Variants in SEPTIN9 observed in about 807,000 individuals in gnomAD.
The protein encoded by SEPTIN9 is septin 9, also known as septin-9.
SEPTIN9 carries 13 observed loss-of-function variants against 56.6 expected under a neutral mutation model. The ratio of observed to expected loss-of-function variants is 0.23; its 90% confidence interval spans 0.15 to 0.37. The LOEUF is 0.37. Among genes scored for constraint, SEPTIN9 ranks in the 10% least tolerant of loss-of-function variants. SEPTIN9 has a pLI of 1.00. For synonymous variants in SEPTIN9, 332 were observed against 334.1 expected, an observed-to-expected ratio of 0.99 and a Z score of 0.07; for missense variants, 650 against 823.1, an observed-to-expected ratio of 0.79 and a Z score of 2.57.
chr17:77,303,374 A>G (rs2032139358), intron 1 of SEPTIN9, among the ~76,000 whole-genome samples: 1 of 151,464 alleles, frequency 6.6e-6, no homozygotes, highest in South Asian at 2.1e-4. Flanking sequence ...CTGGGATTAC[A>G]GGCGTGAGTC....
At chr17:77,304,798 G>C (rs1355944583) in intron 1 of SEPTIN9, among the ~76,000 whole-genome samples, 2 of 152,188 alleles carry the variant, frequency 1.3e-5, no homozygotes. Context: ...GTGGGGATGT[G>C]TGGAACAGGG....
At chr17:77,417,682 G>A (rs1039803017) in intron 3 of SEPTIN9, among the ~76,000 whole-genome samples, 7 of 152,192 alleles carry the variant, frequency 4.6e-5, no homozygotes, top group Admixed American at 2.0e-4. Context: ...AGTTCAATAC[G>A]CAGGAGCCAT....
At chr17:77,458,690 A>G (rs2038325728) in intron 3 of SEPTIN9, among the ~76,000 whole-genome samples, 1 of 152,172 alleles carries the variant, frequency 6.6e-6, no homozygotes, top group Admixed American at 6.5e-5. Context: ...CCAAGGCCCA[A>G]CCACATGGCA....
rs2040422809 is a variant in SEPTIN9 at position 77,499,544 on chromosome 17, G to C, written c.*886G>C. On this transcript the variant is annotated 3_prime_UTR_variant, in exon 12 of 12. Coordinates refer to ENST00000427177, the MANE Select transcript of SEPTIN9 (RefSeq NM_001113491.2). ...GCTGAGGGAGGGAGCCATGGAAGGT[G>C]CCAGAAGGAAGGTTGGCGGGGGCAC... 2.2e-6 allele frequency: 1 copy of C among 457,390 alleles called. No individual in the cohort carries two copies. The highest frequency in any genetic ancestry group is 1.9e-5 in the African/African-American group (1 of 51,514). 28.3% of individuals were successfully genotyped at this position (457,390 alleles called of 1,614,324 possible).
chr17:77,489,398 C>T (rs429215), intron 7 of SEPTIN9, among the ~76,000 whole-genome samples: 82,811 of 151,694 alleles, frequency 0.55, 23,709 homozygotes, highest in African/African-American at 0.73. Flanking sequence ...TAGAGATCAG[C>T]AAGGGCGGGA....
intron 2 of SEPTIN9, among the ~76,000 whole-genome samples, chr17:77,370,099 A>G (rs2034675137): frequency 6.6e-6 from 1 of 152,146 alleles, no homozygotes; most frequent in Admixed American, 6.5e-5. Context: ...CTTTGACCTC[A>G]AGGCATGATG....
chr17:77,484,557 T>C (rs969364719), intron 4 of SEPTIN9, among the ~76,000 whole-genome samples: 1 of 132,232 alleles, frequency 7.6e-6, no homozygotes, highest in African/African-American at 3.2e-5. Context: ...GTGGTGATGA[T>C]GGTGATTGTG....
chr17:77,488,602 C>G, intron 6 of SEPTIN9, 125 bp from the exon 7 acceptor site: 2 of 1,379,482 alleles, frequency 1.4e-6, no homozygotes, highest in Non-Finnish European at 2.0e-6. Context: ...GCTCAGCAAG[C>G]CAGACCTCCC....
chr17:77,334,665 G>A (rs1567999404), intron 2 of SEPTIN9, among the ~76,000 whole-genome samples: 2 of 152,084 alleles, frequency 1.3e-5, no homozygotes, highest in East Asian at 1.9e-4. Context: ...CTACACTAAG[G>A]TCAAAAGAAG....
intron 2 of SEPTIN9, among the ~76,000 whole-genome samples, chr17:77,347,454 A>G (rs1399393608): frequency 4.0e-5 from 6 of 151,608 alleles, no homozygotes; most frequent in East Asian, 1.9e-4. Context: ...CAGGTTTTAT[A>G]TCATGTATTT....
At chr17:77,354,728 A>T (rs978748473) in intron 2 of SEPTIN9, among the ~76,000 whole-genome samples, 2 of 152,068 alleles carry the variant, frequency 1.3e-5, no homozygotes, top group Non-Finnish European at 2.9e-5. Context: ...TGCCTCCCCC[A>T]GCGCAGGCGC....
intron 2 of SEPTIN9, among the ~76,000 whole-genome samples, chr17:77,401,384 T>C (rs1372947261): frequency 9.9e-5 from 15 of 152,194 alleles, no homozygotes. Flanking sequence ...GGTAGAGGTG[T>C]GTTTGCTGGT....
chr17:77,429,153 T>G lies in SEPTIN9; in HGVS notation c.721+26450T>G. On this transcript the variant is annotated intron_variant, in intron 3 of 11. Coordinates refer to ENST00000427177, the MANE Select transcript of SEPTIN9 (RefSeq NM_001113491.2). The surrounding 1 kb of genome is among the most constrained non-coding windows in gnomAD (Gnocchi z 5.2). Reference sequence around the variant, plus strand: ...CCTGGGGTGGGGACTTGGGGGTGTGTCTGCAGCTCCTGAGGCCAAGACCAA... The same window carrying G: ...CCTGGGGTGGGGACTTGGGGGTGTGGCTGCAGCTCCTGAGGCCAAGACCAA... 4.2e-6 allele frequency: 2 copies of G among 471,936 alleles called. No individual in the cohort carries two copies. Among genetic ancestry groups the G allele is most frequent in the South Asian group, 3.1e-5 (2 of 64,616 alleles). The allele number at this position is 471,936 out of a possible 1,614,324, so 29.2% of individuals were successfully genotyped here. A position where few individuals can be genotyped will look rare whatever the true frequency, so the allele number is the denominator to read the frequency against.
intron 3 of SEPTIN9, among the ~76,000 whole-genome samples, chr17:77,423,651 CGGA>C: frequency 6.6e-6 from 1 of 152,364 alleles, no homozygotes; most frequent in South Asian, 2.1e-4. Flanking sequence ...CGGCTCCGCG[CGGA>C]GATCACGTGG....
chr17:77,356,066 G>T, intron 2 of SEPTIN9, among the ~76,000 whole-genome samples: 1 of 151,812 alleles, frequency 6.6e-6, no homozygotes, highest in South Asian at 2.1e-4. Flanking sequence ...AAACCTGGCT[G>T]GGGAGGGCAT....
In SEPTIN9 at chr17:77,428,760, C is replaced by T. The variant is rs1400802033; in HGVS notation, c.721+26057C>T. On this transcript the variant is annotated intron_variant, in intron 3 of 11. Transcript: ENST00000427177. ...CTGTGGGGTCAGCAGAGGGAGGGCA[C>T]ACTTCCCAGCTGGTGGGGTTCCCTT... 4.6e-5 allele frequency among the ~76,000 whole-genome samples: 7 copies of T among 152,288 alleles called. No homozygotes were observed. The South Asian group carries it at 1.4e-3, about 32-fold the overall frequency.
intron 2 of SEPTIN9, among the ~76,000 whole-genome samples, chr17:77,324,171 G>A (rs1234004329): frequency 6.6e-6 from 1 of 152,178 alleles, no homozygotes; most frequent in Non-Finnish European, 1.5e-5. Flanking sequence ...TCTCTCATAC[G>A]GACAGTCTTT....
Position 77,450,492 on chromosome 17 carries a change from C to T in SEPTIN9, c.722-31652C>T. On this transcript the variant is annotated intron_variant, in intron 3 of 11. Transcript: ENST00000427177. The surrounding 1 kb of genome is among the most constrained non-coding windows in gnomAD (Gnocchi z 6.0). ...CGAGCCCACTCCCAGGCGCTCTCTC[C>T]TAGTGTGGGAGTGGCCACGCCCCTG... 1 of 985,492 alleles carries T rather than the reference C, an allele frequency of 1.0e-6. No individual in the cohort carries two copies. The highest frequency in any genetic ancestry group is 1.2e-6 in the Non-Finnish European group (1 of 829,956). 61.0% of individuals were successfully genotyped at this position (985,492 alleles called of 1,614,324 possible).
intron 2 of SEPTIN9, among the ~76,000 whole-genome samples, chr17:77,373,033 T>A (rs940747879): frequency 1.7e-4 from 26 of 151,738 alleles, no homozygotes; most frequent in Non-Finnish European, 3.2e-4. Flanking sequence ...TGGCCCGGCC[T>A]CCACATCCGC....
Sources: allele counts gnomAD v4.1 joint callset (sites outside exome capture counted in the v4.1 genomes callset), GRCh38; gene constraint gnomAD v4.1.1; non-coding constraint Gnocchi (gnomAD v3.1); transcripts MANE v1.5; gene names NCBI Gene and HGNC (gene_info 2026-07-23, HGNC 2026-07-21).